The following COL8A2 variants were observed in gnomAD, a reference collection of about 807,000 sequenced individuals.
COL8A2 encodes the protein collagen type VIII alpha 2 chain, also known as collagen alpha-2(VIII) chain.
A neutral mutation model predicts 24.0 loss-of-function variants in COL8A2; 16 were observed. The ratio of observed to expected loss-of-function variants is 0.67; its 90% CI spans 0.45 to 1.01. The LOEUF (loss-of-function observed/expected upper bound fraction) is 1.01. COL8A2 is among the 50% of genes least tolerant of loss of function. The probability of loss-of-function intolerance (pLI) is 0.00; values close to 1 mark genes in which losing one functional copy is unlikely to be tolerated. For synonymous variants in COL8A2, 466 were observed against 424.5 expected, an observed-to-expected ratio of 1.10 and a Z score of -1.20; for missense variants, 818 against 942.4, an observed-to-expected ratio of 0.87 and a Z score of 1.73.
intron 2 of COL8A2, among the ~76,000 whole-genome samples, chr1:36,105,168 T>C (rs1643740750): frequency 6.6e-6 from 1 of 152,158 alleles, no homozygotes; most frequent in Non-Finnish European, 1.5e-5. Flanking sequence ...CAGGAATTAA[T>C]GCAGGGCTCC....
At chr1:36,120,635 C>T (rs969137199) in intron 1 of COL8A2, among the ~76,000 whole-genome samples, 6 of 151,826 alleles carry the variant, frequency 4.0e-5, no homozygotes, top group African/African-American at 1.5e-4. Context: ...GTAATCCCAG[C>T]TACTCAGGAG....
chr1:36,124,627 G>A (rs1442856747), intron 1 of COL8A2, among the ~76,000 whole-genome samples: 1 of 151,982 alleles, frequency 6.6e-6, no homozygotes, highest in Non-Finnish European at 1.5e-5. Context: ...CAGAGAGATG[G>A]GGGCAGGAGT....
At chr1:36,118,131 T>C (rs1175617574) in intron 1 of COL8A2, among the ~76,000 whole-genome samples, 2 of 152,228 alleles carry the variant, frequency 1.3e-5, no homozygotes, top group African/African-American at 2.4e-5. Flanking sequence ...CCTGGCACTA[T>C]TGGCTCCTGT....
chr1:36,098,421 A>AG lies in COL8A2; in HGVS notation c.1259dup (p.Gly421TrpfsTer8). On this transcript the variant is annotated frameshift_variant, in exon 4 of 4. Coordinates refer to ENST00000397799, the MANE Select transcript of COL8A2 (RefSeq NM_005202.4). LOFTEE classifies it high-confidence loss of function. ...GCTCACCCTTGGGCCCAGTTGGTCCAGGGGGTCCATGGGCCCCAGGAAGTC... is the reference window on the plus strand; with the variant it reads ...GCTCACCCTTGGGCCCAGTTGGTCCAGGGGGGTCCATGGGCCCCAGGAAGTC... 6.3e-7 allele frequency: 1 copy of AG among 1,582,096 alleles called. No homozygotes were observed. The highest frequency in any genetic ancestry group is 8.6e-7 in the Non-Finnish European group (1 of 1,164,590).
At chr1:36,120,241 G>T (rs1643900769) in intron 1 of COL8A2, among the ~76,000 whole-genome samples, 2 of 152,106 alleles carry the variant, frequency 1.3e-5, no homozygotes, top group African/African-American at 4.8e-5. Context: ...ATCACTTGAG[G>T]TCAGGAGTTC....
At chr1:36,117,030 C>T (rs1199897245) in intron 1 of COL8A2, among the ~76,000 whole-genome samples, 1 of 152,226 alleles carries the variant, frequency 6.6e-6, no homozygotes, top group African/African-American at 2.4e-5. Context: ...GGAGGGGATG[C>T]CCAGCCAGCC....
intron 2 of COL8A2, among the ~76,000 whole-genome samples, chr1:36,111,791 A>G (rs1643843900): frequency 6.6e-6 from 1 of 151,786 alleles, no homozygotes; most frequent in African/African-American, 2.4e-5. Context: ...GGCTCAAGTG[A>G]TCCTCCCACC....
At chr1:36,102,458 G>A (rs1218949613) in intron 2 of COL8A2, among the ~76,000 whole-genome samples, 1 of 151,634 alleles carries the variant, frequency 6.6e-6, no homozygotes, top group Admixed American at 6.6e-5. Flanking sequence ...GTGCCACCAT[G>A]CCTGGCTAAT....
Position 36,098,809 on chromosome 1 carries a change from G to A in COL8A2, c.872C>T (p.Pro291Leu). Residue 291 changes from proline (P) to leucine (L), a missense_variant, in exon 4 of 4, where the codon CCA becomes CTA. Coordinates refer to ENST00000397799, the MANE Select transcript of COL8A2 (RefSeq NM_005202.4). ...GVPGAAGLPG[P>L]QGPSGAKGEP... ...CCCTTTGGCCCCTGATGGGCCCTGT[G>A]GTCCTGGCAACCCTGCTGCCCCTGG... is the stretch of plus-strand genomic sequence containing the variant. 1.9e-6 allele frequency: 3 copies of A among 1,612,030 alleles called. No homozygotes were observed. The highest frequency in any genetic ancestry group is 2.5e-6 in the Non-Finnish European group (3 of 1,179,650).
intron 1 of COL8A2, among the ~76,000 whole-genome samples, chr1:36,120,273 G>C (rs1298228538): frequency 3.3e-5 from 5 of 152,046 alleles, no homozygotes; most frequent in Non-Finnish European, 7.4e-5. Flanking sequence ...GACCAACATG[G>C]CGAAACCCCG....
chr1:36,111,560 T>C (rs1370120813), intron 2 of COL8A2, among the ~76,000 whole-genome samples: 1 of 152,010 alleles, frequency 6.6e-6, no homozygotes, highest in African/African-American at 2.4e-5. Context: ...GCCATTTTTT[T>C]TTTTTTTGAG....
chr1:36,098,035 C>T lies in COL8A2; in HGVS notation c.1646G>A (p.Gly549Asp). The change falls in exon 4 of 4, where the codon GGC becomes GAC. Residue 549 changes from glycine (G) to aspartate (D), a missense_variant. Gly to Asp is a moderately conservative substitution (Grantham distance 94). Around this residue, in one of 3 missense-constraint regions of COL8A2, gnomAD observed 235 missense variants for 297.3 expected, o/e 0.79. Coordinates refer to ENST00000397799, the MANE Select transcript of COL8A2 (RefSeq NM_005202.4). ...TGIAGLHLPN[G>D]GVEGAVLGKG... ...GCCCAGCACGGCACCCTCCACACCG[C>T]CGTTGGGCAGGTGCAAGCCTGCGAT... is the stretch of plus-strand genomic sequence containing the variant. 3 of 1,593,016 alleles carry T rather than the reference C, an allele frequency of 1.9e-6. No individual in the cohort carries two copies. Among genetic ancestry groups the T allele is most frequent in the Non-Finnish European group, 2.6e-6 (3 of 1,174,114 alleles).
At chr1:36,122,306 C>T (rs1465954160) in intron 1 of COL8A2, among the ~76,000 whole-genome samples, 2 of 152,302 alleles carry the variant, frequency 1.3e-5, no homozygotes, top group African/African-American at 2.4e-5. Flanking sequence ...AATGCCAGCT[C>T]ATCTCCACAC....
chr1:36,100,887 CTTTTTTTTTTTTTT>C (rs139330748), intron 2 of COL8A2, among the ~76,000 whole-genome samples: 39 of 50,162 alleles, frequency 7.8e-4, no homozygotes, highest in Admixed American at 3.6e-3. Flanking sequence ...GCATTCAAGG[CTTTTTTTTTTTTTT>C]TTTTTTTTTT....
At chr1:36,100,012 G>C in intron 3 of COL8A2, 38 bp downstream of exon 3, 1 of 1,589,246 alleles carries the variant, frequency 6.3e-7, no homozygotes, top group Non-Finnish European at 8.6e-7. Flanking sequence ...TGGGGGCTGG[G>C]AGCGATTTGA....
chr1:36,104,504 A>G (rs1643726210), intron 2 of COL8A2, among the ~76,000 whole-genome samples: 1 of 148,730 alleles, frequency 6.7e-6, no homozygotes, highest in Non-Finnish European at 1.5e-5. Flanking sequence ...TAAATAAATA[A>G]ATAAATAATA....
At chr1:36,105,963 AAAAAG>A (rs1162926324) in intron 2 of COL8A2, among the ~76,000 whole-genome samples, 7 of 143,348 alleles carry the variant, frequency 4.9e-5, no homozygotes, top group Non-Finnish European at 1.1e-4. Context: ...AAAAAAAAAA[AAAAAG>A]AGAGAGAGAG....
chr1:36,119,481 C>A (rs1643894996), intron 1 of COL8A2, among the ~76,000 whole-genome samples: 1 of 152,184 alleles, frequency 6.6e-6, no homozygotes, highest in Non-Finnish European at 1.5e-5. Flanking sequence ...TCCCCCGCAC[C>A]CCCTCAGTCC....
intron 2 of COL8A2, among the ~76,000 whole-genome samples, chr1:36,109,581 C>G (rs1267299541): frequency 7.1e-6 from 1 of 141,112 alleles, no homozygotes; most frequent in African/African-American, 2.6e-5. Context: ...AGTAACCACT[C>G]TTTTTTTTTT....
Sources: gnomAD v4.1 joint callset for allele counts (sites outside exome capture counted in the v4.1 genomes callset) on GRCh38, gnomAD v4.1.1 for gene constraint, gnomAD v4.1.1 regional missense constraint, MANE v1.5 for transcripts, NCBI Gene and HGNC (gene_info 2026-07-23, HGNC 2026-07-21) for gene names.